The following SFMBT2 variants were observed in gnomAD, a reference collection of about 807,000 sequenced individuals.
SFMBT2 encodes the protein scm-like with four MBT domains protein 2.
Under a neutral mutation model 110.1 loss-of-function variants are expected in SFMBT2, and 38 were observed. The ratio of observed to expected loss-of-function variants is 0.35; its 90% CI spans 0.27 to 0.45. SFMBT2 has a LOEUF of 0.45. Among genes scored for constraint, SFMBT2 ranks in the 20% least tolerant of loss-of-function variants. The pLI, the probability that SFMBT2 is intolerant of heterozygous loss-of-function variation, is 1.00. For synonymous variants in SFMBT2, 425 were observed against 425.4 expected (o/e 1.00, Z 0.01); for missense variants, 1,011 against 1,094.9 (o/e 0.92, Z 1.08).
At chr10:7,211,867 C>A (rs749574856) in intron 11 of SFMBT2, among the ~76,000 whole-genome samples, 2 of 152,170 alleles carry the variant, frequency 1.3e-5, no homozygotes, top group Non-Finnish European at 2.9e-5. Context: ...GTGTTCTGCA[C>A]CTGGTCCCCT....
chr10:7,342,645 C>T lies in SFMBT2; in HGVS notation c.436+25004G>A, dbSNP rs535675675. Among the ~76,000 whole-genome samples, 47 of 152,228 alleles carry T rather than the reference C, an allele frequency of 3.1e-4. 1 individual carries two copies. The highest frequency in any genetic ancestry group is 1.0e-3 in the African/African-American group (43 of 41,540). ...ATCTCCTGACTTTGTGATCCGCCCG[C>T]CTCTGCCTCCCAAAGTGCTGGGATT... On this transcript the variant is annotated intron_variant, in intron 4 of 20. Coordinates refer to ENST00000397167, the MANE Select transcript of SFMBT2 (RefSeq NM_001387889.1).
chr10:7,321,319 A>T (rs1456155889), intron 4 of SFMBT2, among the ~76,000 whole-genome samples: 3 of 150,760 alleles, frequency 2.0e-5, no homozygotes, highest in Non-Finnish European at 4.4e-5. Context: ...CTCCTGCCTC[A>T]GCCTCCTGAG....
intron 1 of SFMBT2, among the ~76,000 whole-genome samples, chr10:7,393,078 G>A (rs922555823): frequency 9.9e-5 from 14 of 140,824 alleles, no homozygotes; most frequent in African/African-American, 3.7e-4. Flanking sequence ...CGTCGCCCAG[G>A]CTGGAATGCA....
Position 7,205,795 on chromosome 10 carries a change from C to G in SFMBT2, c.1444+20G>C, listed in dbSNP as rs369245395. ...AGATCACTGGTGTCATCCACCCCCC[C>G]TCAACTGGGAACCACTTACAGACTG... On this transcript the variant is annotated intron_variant, in intron 12 of 20. Coordinates refer to ENST00000397167, the MANE Select transcript of SFMBT2 (RefSeq NM_001387889.1). 12 of 1,610,114 alleles carry G rather than the reference C, an allele frequency of 7.5e-6. No homozygotes were observed. Among genetic ancestry groups the G allele is most frequent in the African/African-American group, 6.7e-5 (5 of 74,844 alleles).
intron 9 of SFMBT2, chr10:7,228,514 T>G (rs1399342910): frequency 4.4e-6 from 1 of 224,748 alleles, no homozygotes; most frequent in Non-Finnish European, 7.4e-6. Flanking sequence ...AACGTTGCCC[T>G]GGAACTGACC....
chr10:7,227,649 A>C (rs965716861), intron 10 of SFMBT2, among the ~76,000 whole-genome samples: 1 of 152,196 alleles, frequency 6.6e-6, no homozygotes, highest in African/African-American at 2.4e-5. Context: ...CTGTGCATTT[A>C]TTAGTCAATT....
intron 4 of SFMBT2, among the ~76,000 whole-genome samples, chr10:7,366,640 T>A (rs1452809719): frequency 6.6e-6 from 1 of 152,188 alleles, no homozygotes; most frequent in East Asian, 1.9e-4. Flanking sequence ...GCTGCCATTA[T>A]CATACAATAA....
chr10:7,262,893 C>A (rs1841253820), intron 7 of SFMBT2, among the ~76,000 whole-genome samples: 1 of 152,158 alleles, frequency 6.6e-6, no homozygotes, highest in Non-Finnish European at 1.5e-5. Flanking sequence ...CCAGAACAGG[C>A]AAAGGATCCC....
intron 1 of SFMBT2, among the ~76,000 whole-genome samples, chr10:7,406,465 T>TAAAAAAAAAAAAA (rs76194396): frequency 8.3e-6 from 1 of 120,046 alleles, no homozygotes; most frequent in Admixed American, 8.4e-5. Flanking sequence ...GGGCAGTGGT[T>TAAAAAAAAAAAAA]AAAAAAAAAA....
intron 4 of SFMBT2, among the ~76,000 whole-genome samples, chr10:7,318,285 T>C (rs1417650878): frequency 1.3e-5 from 2 of 152,230 alleles, no homozygotes; most frequent in Non-Finnish European, 2.9e-5. Context: ...TAAGAAGCCC[T>C]TTTAGATATT....
At chr10:7,310,319 G>A (rs1471039304) in intron 4 of SFMBT2, among the ~76,000 whole-genome samples, 2 of 152,224 alleles carry the variant, frequency 1.3e-5, no homozygotes, top group Non-Finnish European at 2.9e-5. Flanking sequence ...ATGAATGCCA[G>A]GCGCTGAGAA....
intron 4 of SFMBT2, among the ~76,000 whole-genome samples, chr10:7,358,326 G>C (rs1305805617): frequency 6.6e-6 from 1 of 151,460 alleles, no homozygotes; most frequent in East Asian, 1.9e-4. Context: ...CATGGCCCTA[G>C]AACATCTGCA....
At chr10:7,168,811 T>C (rs1352172631) in intron 20 of SFMBT2, among the ~76,000 whole-genome samples, 1 of 152,200 alleles carries the variant, frequency 6.6e-6, no homozygotes, top group Non-Finnish European at 1.5e-5. Context: ...GTTTGTGTGT[T>C]ATTTAAAGGG....
chr10:7,337,061 T>C (rs888668303), intron 4 of SFMBT2, among the ~76,000 whole-genome samples: 2 of 152,242 alleles, frequency 1.3e-5, no homozygotes, highest in African/African-American at 4.8e-5. Flanking sequence ...ATTGATATGA[T>C]GCACCATGAC....
intron 1 of SFMBT2, among the ~76,000 whole-genome samples, chr10:7,396,080 C>T (rs1282225934): frequency 6.6e-6 from 1 of 152,054 alleles, no homozygotes. Flanking sequence ...ACTAAAAGTA[C>T]AAAAATTAAC....
At chr10:7,167,357 G>C (rs1837723835) in intron 20 of SFMBT2, among the ~76,000 whole-genome samples, 1 of 152,170 alleles carries the variant, frequency 6.6e-6, no homozygotes. Context: ...ATGAGATTAT[G>C]GAGTATAGAT....
At chr10:7,376,385 CG>C (rs1845209563) in intron 2 of SFMBT2, among the ~76,000 whole-genome samples, 1 of 151,896 alleles carries the variant, frequency 6.6e-6, no homozygotes, top group Admixed American at 6.6e-5. Context: ...ACTTGGGTGT[CG>C]GTTATTGATC....
intron 4 of SFMBT2, among the ~76,000 whole-genome samples, chr10:7,320,365 C>A (rs1843149990): frequency 6.6e-6 from 1 of 152,202 alleles, no homozygotes; most frequent in Non-Finnish European, 1.5e-5. Context: ...ATAAATGAAA[C>A]AAGCCGGAGG....
At chr10:7,206,471 G>T in intron 11 of SFMBT2, 1 of 985,368 alleles carries the variant, frequency 1.0e-6, no homozygotes. Context: ...AGCAGTGTAC[G>T]TGGACAAGGC....
Sources: gnomAD v4.1 joint callset for allele counts (sites outside exome capture counted in the v4.1 genomes callset) on GRCh38, gnomAD v4.1.1 for gene constraint, MANE v1.5 for transcripts, NCBI Gene and HGNC (gene_info 2026-07-23, HGNC 2026-07-21) for gene names.